The following NRXN1 variants were observed in gnomAD, a reference collection of about 807,000 sequenced individuals.
NRXN1 encodes the protein neurexin-1.
NRXN1 carries 39 observed loss-of-function variants against 150.9 expected under a neutral mutation model. That is an observed-to-expected ratio of 0.26 (90% CI 0.20 to 0.34). The LOEUF (loss-of-function observed/expected upper bound fraction) is 0.34, where lower values mean the gene tolerates loss of function less well. NRXN1 is among the 10% of genes least tolerant of loss of function. NRXN1 has a pLI of 1.00. For missense variants in NRXN1, 1,815 were observed against 1,949.9 expected, an observed-to-expected ratio of 0.93 and a Z score of 1.30; for synonymous variants, 924 against 757.0, an observed-to-expected ratio of 1.22 and a Z score of -3.62.
chr2:50,572,596 T>C (rs1052907525), intron 8 of NRXN1, among the ~76,000 whole-genome samples: 1 of 152,164 alleles, frequency 6.6e-6, no homozygotes, highest in Non-Finnish European at 1.5e-5. Context: ...AGGCTTTTTC[T>C]ATCCCCATTT....
intron 18 of NRXN1, among the ~76,000 whole-genome samples, chr2:50,192,925 C>T (rs947498300): frequency 4.6e-5 from 7 of 152,204 alleles, no homozygotes; most frequent in Admixed American, 1.3e-4. Flanking sequence ...AGGAAGAATA[C>T]GTAATAATTG....
At chr2:50,446,507 C>T (rs890831289) in intron 17 of NRXN1, among the ~76,000 whole-genome samples, 5 of 135,026 alleles carry the variant, frequency 3.7e-5, no homozygotes, top group Middle Eastern at 4.1e-3. Flanking sequence ...CCTCCTTCCC[C>T]GTCTTCCTCC....
chr2:50,278,450 C>T (rs2070959711), intron 17 of NRXN1, among the ~76,000 whole-genome samples: 1 of 149,764 alleles, frequency 6.7e-6, no homozygotes, highest in Non-Finnish European at 1.5e-5. Context: ...CTGTGCCTGG[C>T]CATTGATCAT....
chr2:49,955,759 C>G (rs1674821657), intron 21 of NRXN1, among the ~76,000 whole-genome samples: 1 of 151,984 alleles, frequency 6.6e-6, no homozygotes, highest in African/African-American at 2.4e-5. Flanking sequence ...CAAAATCTAA[C>G]TACAGGATGA....
intron 18 of NRXN1, among the ~76,000 whole-genome samples, chr2:50,162,045 T>C (rs1298511962): frequency 6.6e-6 from 1 of 152,166 alleles, no homozygotes; most frequent in African/African-American, 2.4e-5. Context: ...CCACTTGATA[T>C]GAAAATTACC....
chr2:50,754,574 C>T (rs975914723), intron 5 of NRXN1, among the ~76,000 whole-genome samples: 5 of 151,758 alleles, frequency 3.3e-5, no homozygotes, highest in African/African-American at 7.3e-5. Flanking sequence ...AGAGAAAATG[C>T]TTTAAATATA....
In NRXN1 at chr2:50,236,837, C is replaced by T. The variant is rs200816799; in HGVS notation, c.3498G>A (p.Val1166=). 7 of 1,613,364 alleles carry T rather than the reference C, an allele frequency of 4.3e-6. No individual in the cohort carries two copies. The highest frequency in any genetic ancestry group is 3.3e-5 in the Admixed American group (2 of 59,910). ...CCAAGCCTGAAGAACTGTCCACTCG[C>T]ACCAATACGGCTTCTTTCTGAACAG... ...FSTVQKEAVL[V]RVDSSSGLGD... The change falls in exon 18 of 23, where the codon GTG becomes GTA. Residue 1166 remains valine, a synonymous_variant. Coordinates refer to ENST00000401669, the MANE Select transcript of NRXN1 (RefSeq NM_001330078.2).
intron 19 of NRXN1, among the ~76,000 whole-genome samples, chr2:50,076,978 A>G (rs990775695): frequency 6.6e-5 from 10 of 152,168 alleles, no homozygotes; most frequent in African/African-American, 2.2e-4. Context: ...AGAATTATTT[A>G]TTAGGCAGCA....
At chr2:50,954,552 G>T (rs1022810457) in intron 2 of NRXN1, among the ~76,000 whole-genome samples, 1 of 152,312 alleles carries the variant, frequency 6.6e-6, no homozygotes, top group African/African-American at 2.4e-5. Context: ...GAAAGTTCCA[G>T]CAGAGCTGGG....
chr2:50,295,965 C>G (rs2073512507), intron 17 of NRXN1, among the ~76,000 whole-genome samples: 1 of 152,124 alleles, frequency 6.6e-6, no homozygotes, highest in African/African-American at 2.4e-5. Context: ...AATAGAGCAG[C>G]ACCTTTAAAT....
chr2:50,562,663 T>G (rs1455132761), intron 8 of NRXN1, among the ~76,000 whole-genome samples: 1 of 152,084 alleles, frequency 6.6e-6, no homozygotes, highest in Non-Finnish European at 1.5e-5. Context: ...CCACAAAGAG[T>G]TAGTTATTTG....
At chr2:50,385,936 G>A (rs894438818) in intron 17 of NRXN1, among the ~76,000 whole-genome samples, 10 of 151,838 alleles carry the variant, frequency 6.6e-5, no homozygotes, top group East Asian at 1.9e-4. Context: ...TATGCACTAC[G>A]AAAAGGTGGA....
chr2:50,120,193 A>T (rs1703669200), intron 18 of NRXN1, among the ~76,000 whole-genome samples: 1 of 152,218 alleles, frequency 6.6e-6, no homozygotes, highest in Non-Finnish European at 1.5e-5. Context: ...CAAAGAAAAC[A>T]TATATAAGGT....
chr2:51,002,705 G>A (rs1318820238), intron 2 of NRXN1, among the ~76,000 whole-genome samples: 2 of 151,950 alleles, frequency 1.3e-5, no homozygotes, highest in East Asian at 3.9e-4. Flanking sequence ...CATGCAAGAT[G>A]ACAAAATACA....
chr2:50,306,161 G>T (rs1396983762), intron 17 of NRXN1, among the ~76,000 whole-genome samples: 1 of 152,066 alleles, frequency 6.6e-6, no homozygotes, highest in African/African-American at 2.4e-5. Flanking sequence ...AATCTATTGG[G>T]GAGTTAAGTA....
chr2:50,214,217 G>T (rs1341652699), intron 18 of NRXN1, among the ~76,000 whole-genome samples: 2 of 151,816 alleles, frequency 1.3e-5, no homozygotes, highest in African/African-American at 4.8e-5. Context: ...TTTTCATCAG[G>T]CCAGGGCAAG....
intron 22 of NRXN1, 44 bp downstream of exon 22, chr2:49,943,660 G>C: frequency 2.3e-6 from 3 of 1,330,092 alleles, no homozygotes; most frequent in Non-Finnish European, 2.2e-6. Flanking sequence ...ATGCAACAAA[G>C]ATTTACAGTA....
rs774798824 is a variant in NRXN1 at position 50,623,467 on chromosome 2, C to T, written c.981G>A (p.Ser327=). Residue 327 remains serine (S), a synonymous_variant, in exon 6 of 23, where the codon TCG becomes TCA. Coordinates refer to ENST00000401669, the MANE Select transcript of NRXN1 (RefSeq NM_001330078.2). The part of the protein sequence containing the change: ...RNGLMLHTGK[S]ADYVNLALKN... ...TCAGGGCAAGATTGACATAATCAGC[C>T]GATTTCCCAGTGTGAAGCATCAGTC... The T allele has an allele frequency of 1.3e-5, 21 of 1,613,366 alleles. No individual in the cohort carries two copies. The highest frequency in any genetic ancestry group is 1.1e-4 in the South Asian group (10 of 91,068).
chr2:50,615,732 A>T (rs1371673072), intron 8 of NRXN1: 1 of 152,210 alleles, frequency 6.6e-6, no homozygotes, highest in African/African-American at 2.4e-5. Context: ...AAGTGGTCTA[A>T]GGTAAATGGG....
Sources: allele counts gnomAD v4.1 joint callset (sites outside exome capture counted in the v4.1 genomes callset), GRCh38; gene constraint gnomAD v4.1.1; transcripts MANE v1.5; gene names NCBI Gene and HGNC (gene_info 2026-07-23, HGNC 2026-07-21).